The following KIAA1217 variants were observed in gnomAD, a reference collection of about 807,000 sequenced individuals.
KIAA1217 encodes sickle tail protein homolog.
Under a neutral mutation model 163.9 loss-of-function variants are expected in KIAA1217, and 88 were observed. The ratio of observed to expected loss-of-function variants is 0.54; its 90% CI spans 0.45 to 0.64. The LOEUF is 0.64. KIAA1217 is among the 30% of genes least tolerant of loss of function. The probability of loss-of-function intolerance (pLI) is 0.00; values close to 1 mark genes in which losing one functional copy is unlikely to be tolerated. For synonymous variants in KIAA1217, 903 were observed against 923.1 expected, an observed-to-expected ratio of 0.98 and a Z score of 0.39; for missense variants, 2,372 against 2,475.0, an observed-to-expected ratio of 0.96 and a Z score of 0.88.
chr10:23,907,674 G>A (rs1159976566), intron 1 of KIAA1217, among the ~76,000 whole-genome samples: 1 of 152,056 alleles, frequency 6.6e-6, no homozygotes, highest in Non-Finnish European at 1.5e-5. Context: ...GTTGGACGAT[G>A]CCCACATTGG....
intron 3 of KIAA1217, among the ~76,000 whole-genome samples, chr10:24,432,633 T>TCC (rs1564668078): frequency 6.6e-6 from 1 of 151,486 alleles, no homozygotes; most frequent in African/African-American, 2.4e-5. Flanking sequence ...TTTTTTTTTT[T>TCC]CCAAAGAGAT....
chr10:24,207,101 C>A (rs1256847701), upstream of KIAA1217, among the ~76,000 whole-genome samples: 1 of 152,112 alleles, frequency 6.6e-6, no homozygotes, highest in Non-Finnish European at 1.5e-5. Flanking sequence ...CTGTGGCAGC[C>A]CTCTGCTGCC....
chr10:24,325,500 A>G (rs1005326701), intron 2 of KIAA1217, among the ~76,000 whole-genome samples: 7 of 152,336 alleles, frequency 4.6e-5, no homozygotes, highest in African/African-American at 1.7e-4. Context: ...CAGAGAGAGT[A>G]TAGAGCTAGC....
intron 17 of KIAA1217, among the ~76,000 whole-genome samples, chr10:24,540,610 C>G (rs1388204122): frequency 6.6e-6 from 1 of 152,188 alleles, no homozygotes; most frequent in East Asian, 1.9e-4. Flanking sequence ...AAATAGACCC[C>G]CAGAACATCT....
At chr10:23,712,359 G>C (rs1479108414) in intron 1 of KIAA1217, among the ~76,000 whole-genome samples, 1 of 151,634 alleles carries the variant, frequency 6.6e-6, no homozygotes, top group Non-Finnish European at 1.5e-5. Context: ...AAATAACTCA[G>C]TATGATAGTC....
intron 2 of KIAA1217, chr10:24,255,282 G>T (rs1458357629): frequency 3.2e-5 from 9 of 284,898 alleles, no homozygotes; most frequent in Middle Eastern, 1.3e-3. Context: ...CCACCCAGGT[G>T]GCATTTGCAT....
At chr10:24,138,104 T>C (rs1294473276) in intron 2 of KIAA1217, among the ~76,000 whole-genome samples, 2 of 152,210 alleles carry the variant, frequency 1.3e-5, no homozygotes, top group African/African-American at 4.8e-5. Context: ...TGCGTAGTTT[T>C]CTTCTGGACT....
At chr10:24,467,972 C>A (rs922722263) in intron 5 of KIAA1217, among the ~76,000 whole-genome samples, 1 of 152,122 alleles carries the variant, frequency 6.6e-6, no homozygotes, top group Admixed American at 6.6e-5. Flanking sequence ...CAGTTAAAAA[C>A]CAAAACAAAA....
intron 2 of KIAA1217, among the ~76,000 whole-genome samples, chr10:24,359,852 T>A (rs1253367824): frequency 6.6e-6 from 1 of 152,118 alleles, no homozygotes; most frequent in East Asian, 1.9e-4. Flanking sequence ...TAATTCTTAG[T>A]GTGACTTATA....
intron 3 of KIAA1217, among the ~76,000 whole-genome samples, chr10:24,389,347 A>G (rs1380733516): frequency 6.6e-6 from 1 of 152,092 alleles, no homozygotes; most frequent in African/African-American, 2.4e-5. Context: ...TGGGAATTGA[A>G]CAATGAGAAC....
At chr10:24,342,028 T>C (rs997636544) in intron 2 of KIAA1217, among the ~76,000 whole-genome samples, 1 of 152,256 alleles carries the variant, frequency 6.6e-6, no homozygotes, top group Admixed American at 6.5e-5. Context: ...CTTGCTAGCA[T>C]GAAATTATGC....
chr10:23,788,347 T>G (rs1419471444), intron 1 of KIAA1217, among the ~76,000 whole-genome samples: 1 of 152,190 alleles, frequency 6.6e-6, no homozygotes. Flanking sequence ...TAGACCTTTA[T>G]TTGCCAAGGA....
chr10:23,869,919 C>T (rs2131158987), intron 1 of KIAA1217, among the ~76,000 whole-genome samples: 1 of 152,168 alleles, frequency 6.6e-6, no homozygotes, highest in East Asian at 1.9e-4. Flanking sequence ...GGAATTCTTC[C>T]TTAAATACCG....
At chr10:23,792,810 T>A (rs1298860589) in intron 1 of KIAA1217, among the ~76,000 whole-genome samples, 2 of 152,096 alleles carry the variant, frequency 1.3e-5, no homozygotes, top group African/African-American at 4.8e-5. Context: ...TCTCTTTTTA[T>A]TTTAAAGTAA....
At chr10:23,963,744 C>T (rs1008396505) in intron 1 of KIAA1217, among the ~76,000 whole-genome samples, 11 of 152,206 alleles carry the variant, frequency 7.2e-5, no homozygotes, top group South Asian at 2.1e-4. Context: ...AGTGTAAAAG[C>T]GTTCCTATTT....
At chr10:24,303,109 G>T (rs1010161969) in intron 2 of KIAA1217, among the ~76,000 whole-genome samples, 1 of 152,040 alleles carries the variant, frequency 6.6e-6, no homozygotes, top group African/African-American at 2.4e-5. Context: ...AAACTCCTGG[G>T]CTCCAGCGAT....
chr10:23,988,652 G>T (rs1846085208), intron 1 of KIAA1217, among the ~76,000 whole-genome samples: 1 of 152,068 alleles, frequency 6.6e-6, no homozygotes, highest in Non-Finnish European at 1.5e-5. Context: ...CTCATTGTTA[G>T]GTTTTAAGAT....
intron 2 of KIAA1217, among the ~76,000 whole-genome samples, chr10:24,199,763 A>G (rs1289808625): frequency 6.6e-6 from 1 of 152,138 alleles, no homozygotes; most frequent in Non-Finnish European, 1.5e-5. Context: ...GATTCTGTAA[A>G]CTGACCACGT....
intron 5 of KIAA1217, among the ~76,000 whole-genome samples, chr10:24,444,450 T>A (rs2060757340): frequency 6.6e-6 from 1 of 152,232 alleles, no homozygotes; most frequent in Admixed American, 6.5e-5. Flanking sequence ...ATTCGCATTG[T>A]GTTATAATCA....
Sources: gnomAD v4.1 joint callset for allele counts (sites outside exome capture counted in the v4.1 genomes callset) on GRCh38, gnomAD v4.1.1 for gene constraint, MANE v1.5 for transcripts, NCBI Gene and HGNC (gene_info 2026-07-23, HGNC 2026-07-21) for gene names.